The following SPECC1 variants were observed in gnomAD, a reference collection of about 807,000 sequenced individuals.
SPECC1 encodes cytospin-B.
In SPECC1, 62 loss-of-function variants were observed where a neutral mutation model predicts 104.1. That is an observed-to-expected ratio of 0.60 (90% CI 0.49 to 0.74). The LOEUF is 0.74. Among genes scored for constraint, SPECC1 ranks in the 30% least tolerant of loss-of-function variants. The probability of loss-of-function intolerance (pLI) is 0.00; values close to 1 mark genes in which losing one functional copy is unlikely to be tolerated. For missense variants in SPECC1, 1,306 were observed against 1,310.5 expected (o/e 1.00, Z 0.05); for synonymous variants, 513 against 501.6 (o/e 1.02, Z -0.30).
At chr17:20,039,953 A>G (rs1212645186) in intron 1 of SPECC1, among the ~76,000 whole-genome samples, 1 of 152,194 alleles carries the variant, frequency 6.6e-6, no homozygotes, top group Non-Finnish European at 1.5e-5. Context: ...GTAATTATTG[A>G]TAAGTTAGGG....
chr17:20,129,338 A>G (rs2049485053), intron 3 of SPECC1, among the ~76,000 whole-genome samples: 1 of 151,666 alleles, frequency 6.6e-6, no homozygotes. Flanking sequence ...GGCGCCTGCC[A>G]CCACGCCCAG....
chr17:20,318,375 C>T lies in SPECC1; in HGVS notation c.*4310C>T. 1 of 231,600 alleles carries T rather than the reference C, an allele frequency of 4.3e-6. No homozygotes were observed. The highest frequency in any genetic ancestry group is 6.1e-5 in the East Asian group (1 of 16,400). The allele number at this position is 231,600 out of a possible 1,614,324, so 14.3% of individuals were successfully genotyped here. A position where few individuals can be genotyped will look rare whatever the true frequency, so the allele number is the denominator to read the frequency against. On this transcript the variant is annotated 3_prime_UTR_variant, in exon 15 of 15. Transcript: ENST00000395527. ...TCAAAAATATTAGTCTTTTATTTTC[C>T]TTTTTCATTCAGTTTTTGTTTTACA...
chr17:20,069,208 T>C (rs2046462085), intron 1 of SPECC1, among the ~76,000 whole-genome samples: 2 of 152,242 alleles, frequency 1.3e-5, no homozygotes. Context: ...CAGTATTCGG[T>C]TTTCTGTTCC....
chr17:20,270,086 C>T (rs901573215), intron 12 of SPECC1, among the ~76,000 whole-genome samples: 4 of 151,906 alleles, frequency 2.6e-5, no homozygotes, highest in Non-Finnish European at 4.4e-5. Flanking sequence ...AGCAGATGAG[C>T]GGTTGCCAGA....
chr17:20,027,771 A>G (rs2044652425), intron 1 of SPECC1, among the ~76,000 whole-genome samples: 1 of 152,122 alleles, frequency 6.6e-6, no homozygotes, highest in African/African-American at 2.4e-5. Context: ...CTGTTTTTCT[A>G]CTAGTACCAT....
intron 1 of SPECC1, among the ~76,000 whole-genome samples, chr17:20,013,524 C>T (rs1027187414): frequency 2.0e-5 from 3 of 152,008 alleles, no homozygotes; most frequent in African/African-American, 4.8e-5. Flanking sequence ...TTTTTTGAGA[C>T]GGAGTCTTGC....
At chr17:20,279,323 C>CTTTTTTTTTTTTTTT (rs548300449) in intron 12 of SPECC1, among the ~76,000 whole-genome samples, 7 of 113,726 alleles carry the variant, frequency 6.2e-5, no homozygotes, top group Non-Finnish European at 9.4e-5. Flanking sequence ...TTTTTTTTTT[C>CTTTTTTTTTTTTTTT]TTTTTTTTTT....
At chr17:20,043,255 G>C (rs1265441964) in intron 1 of SPECC1, among the ~76,000 whole-genome samples, 1 of 152,144 alleles carries the variant, frequency 6.6e-6, no homozygotes, top group African/African-American at 2.4e-5. Context: ...GGGGTCACAG[G>C]AAGCTTGATC....
chr17:20,050,582 C>G (rs1186877850), intron 1 of SPECC1, among the ~76,000 whole-genome samples: 1 of 152,206 alleles, frequency 6.6e-6, no homozygotes, highest in Non-Finnish European at 1.5e-5. Flanking sequence ...GCACAATCTG[C>G]TATTCATTGT....
At position 20,227,583 on chromosome 17, in the gene SPECC1, C is replaced by G; in HGVS notation, c.2034C>G (p.Val678=). 1 of 1,611,386 alleles carries G rather than the reference C, an allele frequency of 6.2e-7. No individual in the cohort carries two copies. The highest frequency in any genetic ancestry group is 8.5e-7 in the Non-Finnish European group (1 of 1,179,442). The part of the protein sequence containing the change: ...LEDQVEQHRA[V]KLHNNQLISE... The stretch of plus-strand genomic sequence containing the variant: ...ATCAGGTGGAACAGCACCGGGCTGT[C>G]AAGTTACACAATAATCAACTCATCA... Residue 678 remains valine (V), a synonymous_variant, in exon 5 of 15, where the codon GTC becomes GTG. Coordinates refer to ENST00000395527, the MANE Select transcript of SPECC1 (RefSeq NM_001243439.2).
At chr17:20,171,684 A>C (rs576705848) in intron 3 of SPECC1, among the ~76,000 whole-genome samples, 1 of 152,214 alleles carries the variant, frequency 6.6e-6, no homozygotes, top group South Asian at 2.1e-4. Context: ...GGTAGCTAGG[A>C]CCACAGACGT....
chr17:20,208,704 G>A (rs2036943915), intron 4 of SPECC1, among the ~76,000 whole-genome samples: 1 of 152,192 alleles, frequency 6.6e-6, no homozygotes, highest in African/African-American at 2.4e-5. Flanking sequence ...CTAATTCCAA[G>A]GGAAGCATTT....
chr17:20,156,377 A>T, intron 3 of SPECC1: 1 of 992,910 alleles, frequency 1.0e-6, no homozygotes, highest in Non-Finnish European at 1.3e-6. Context: ...TTGTCGTTGG[A>T]ATGCGCCGCT....
intron 3 of SPECC1, among the ~76,000 whole-genome samples, chr17:20,123,150 C>A (rs561461878): frequency 6.6e-6 from 1 of 152,270 alleles, no homozygotes; most frequent in South Asian, 2.1e-4. Flanking sequence ...AGACAGCAGT[C>A]GGCTAGAAGG....
intron 1 of SPECC1, among the ~76,000 whole-genome samples, chr17:20,035,065 GTTTTAACACCT>G (rs2045009163): frequency 6.6e-6 from 1 of 152,142 alleles, no homozygotes; most frequent in Non-Finnish European, 1.5e-5. Flanking sequence ...CCGTTGAAGT[GTTTTAACACCT>G]TTGTCAGAAA....
intron 1 of SPECC1, among the ~76,000 whole-genome samples, chr17:20,071,322 T>A (rs1426005364): frequency 2.0e-5 from 3 of 152,178 alleles, no homozygotes; most frequent in Non-Finnish European, 4.4e-5. Context: ...GCCATTGTAA[T>A]TTTTTATTTT....
intron 5 of SPECC1, among the ~76,000 whole-genome samples, chr17:20,231,097 T>C (rs1171736005): frequency 1.3e-5 from 2 of 152,156 alleles, no homozygotes; most frequent in Non-Finnish European, 2.9e-5. Flanking sequence ...ATGGAGAGAA[T>C]TGGAGGCAAG....
intron 1 of SPECC1, among the ~76,000 whole-genome samples, chr17:20,033,074 C>T (rs938191735): frequency 6.6e-6 from 1 of 151,776 alleles, no homozygotes; most frequent in African/African-American, 2.4e-5. Context: ...AAGTGATTCC[C>T]TGCCTCAGCC....
chr17:20,316,189 A>T lies in SPECC1; in HGVS notation c.*2124A>T. On this transcript the variant is annotated 3_prime_UTR_variant, in exon 15 of 15. Transcript: ENST00000395527. ...AGCATTTTTTTTTTATTAACCCTGT[A>T]CTTCTTCTTTGCCCACCATTAAAGT... The T allele has an allele frequency of 8.7e-6, 2 of 231,080 alleles. No homozygotes were observed. The highest frequency in any genetic ancestry group is 1.8e-4 in the South Asian group (1 of 5,492). The allele number at this position is 231,080 out of a possible 1,614,324, so 14.3% of individuals were successfully genotyped here.
Sources: allele counts gnomAD v4.1 joint callset (sites outside exome capture counted in the v4.1 genomes callset), GRCh38; gene constraint gnomAD v4.1.1; transcripts MANE v1.5; gene names NCBI Gene and HGNC (gene_info 2026-07-23, HGNC 2026-07-21).